The following CACNB2 variants were observed in gnomAD, a reference collection of about 807,000 sequenced individuals.
CACNB2 encodes the protein voltage-dependent L-type calcium channel subunit beta-2.
CACNB2 carries 42 observed loss-of-function variants against 73.3 expected under a neutral mutation model. That is an observed-to-expected ratio of 0.57 (90% CI 0.45 to 0.74). CACNB2 has a LOEUF of 0.74. Among genes scored for constraint, CACNB2 ranks in the 30% least tolerant of loss-of-function variants. The pLI is 0.00. For missense variants in CACNB2, 940 were observed against 853.0 expected (o/e 1.10, Z -1.27); for synonymous variants, 348 against 310.3 (o/e 1.12, Z -1.28).
chr10:18,325,718 C>CCT (rs2040565136), intron 2 of CACNB2, among the ~76,000 whole-genome samples: 1 of 121,532 alleles, frequency 8.2e-6, no homozygotes, highest in African/African-American at 3.1e-5. Flanking sequence ...TTCCTTCCTT[C>CCT]TCTCTCTTTC....
intron 2 of CACNB2, among the ~76,000 whole-genome samples, chr10:18,339,832 A>G (rs2041160937): frequency 6.6e-6 from 1 of 152,228 alleles, no homozygotes; most frequent in Non-Finnish European, 1.5e-5. Context: ...TTAAAAATGT[A>G]AAACACATTC....
intron 2 of CACNB2, among the ~76,000 whole-genome samples, chr10:18,313,547 C>A (rs1291957251): frequency 6.6e-6 from 1 of 152,070 alleles, no homozygotes; most frequent in African/African-American, 2.4e-5. Context: ...ATCTTTGGAG[C>A]TTTCTATCTT....
At chr10:18,464,418 T>TAAAATAAAAAAAAA (rs1554824204) in intron 3 of CACNB2, among the ~76,000 whole-genome samples, 17 of 85,296 alleles carry the variant, frequency 2.0e-4, no homozygotes, top group East Asian at 1.2e-3. Flanking sequence ...TCTCAAAAAT[T>TAAAATAAAAAAAAA]AAAAAAAAAA....
chr10:18,335,601 A>G (rs1564446097), intron 2 of CACNB2, among the ~76,000 whole-genome samples: 2 of 152,086 alleles, frequency 1.3e-5, no homozygotes, highest in South Asian at 2.1e-4. Flanking sequence ...ATATATACAT[A>G]TTAAGTCCAT....
At chr10:18,274,545 A>G (rs1162384044) in intron 2 of CACNB2, among the ~76,000 whole-genome samples, 3 of 152,158 alleles carry the variant, frequency 2.0e-5, no homozygotes, top group Non-Finnish European at 4.4e-5. Context: ...GAGGGTCAGA[A>G]CTTCTCTATG....
chr10:18,211,087 A>G (rs918953506), intron 2 of CACNB2, among the ~76,000 whole-genome samples: 1 of 152,158 alleles, frequency 6.6e-6, no homozygotes, highest in Non-Finnish European at 1.5e-5. Context: ...CTCCATGACT[A>G]TTAGCTATTA....
At chr10:18,483,280 C>T (rs1300777703) in intron 3 of CACNB2, among the ~76,000 whole-genome samples, 1 of 151,494 alleles carries the variant, frequency 6.6e-6, no homozygotes, top group Non-Finnish European at 1.5e-5. Flanking sequence ...CCTGTAATCC[C>T]AGCACTTTGG....
chr10:18,158,902 T>G (rs2032249819), intron 2 of CACNB2, among the ~76,000 whole-genome samples: 1 of 152,164 alleles, frequency 6.6e-6, no homozygotes, highest in South Asian at 2.1e-4. Context: ...GAAAAATATG[T>G]ACATCTGCAA....
intron 2 of CACNB2, among the ~76,000 whole-genome samples, chr10:18,294,854 A>G (rs1827258399): frequency 6.6e-6 from 1 of 152,170 alleles, no homozygotes; most frequent in Non-Finnish European, 1.5e-5. Flanking sequence ...GGATTCCAAG[A>G]CAGTCCTCAA....
chr10:18,446,888 G>T (rs191436552), intron 3 of CACNB2, among the ~76,000 whole-genome samples: 13 of 152,166 alleles, frequency 8.5e-5, no homozygotes, highest in African/African-American at 1.4e-4. Flanking sequence ...AATACAGTGA[G>T]ACCCTGTCTC....
chr10:18,243,367 AG>A (rs1407384963), intron 2 of CACNB2, among the ~76,000 whole-genome samples: 1 of 152,154 alleles, frequency 6.6e-6, no homozygotes, highest in Non-Finnish European at 1.5e-5. Flanking sequence ...TTTGTGTTTA[AG>A]GGTAGGGTCA....
intron 2 of CACNB2, among the ~76,000 whole-genome samples, chr10:18,377,796 C>T (rs993798180): frequency 1.1e-4 from 16 of 152,140 alleles, no homozygotes; most frequent in East Asian, 3.8e-4. Flanking sequence ...ATTGGGAATG[C>T]GCTACAGATG....
chr10:18,494,376 T>C (rs1159820075), intron 3 of CACNB2, among the ~76,000 whole-genome samples: 1 of 152,098 alleles, frequency 6.6e-6, no homozygotes, highest in Non-Finnish European at 1.5e-5. Context: ...ACGCCTGTAA[T>C]CCCAGCACTT....
chr10:18,225,551 C>A (rs1414938517), intron 2 of CACNB2, among the ~76,000 whole-genome samples: 1 of 144,520 alleles, frequency 6.9e-6, no homozygotes, highest in Non-Finnish European at 1.5e-5. Context: ...TCTTTTCTTT[C>A]TTTTCCCTCC....
At chr10:18,396,723 G>A (rs543675181) in intron 2 of CACNB2, among the ~76,000 whole-genome samples, 54 of 152,126 alleles carry the variant, frequency 3.5e-4, no homozygotes, top group Non-Finnish European at 4.6e-4. Context: ...CACCCACCTC[G>A]GCTTCCCAAA....
At chr10:18,281,824 C>G (rs2038560436) in intron 2 of CACNB2, among the ~76,000 whole-genome samples, 1 of 151,576 alleles carries the variant, frequency 6.6e-6, no homozygotes. Context: ...ACTAAAAATA[C>G]AAAAAATTAG....
At chr10:18,198,420 C>T (rs1486852001) in intron 2 of CACNB2, among the ~76,000 whole-genome samples, 1 of 152,108 alleles carries the variant, frequency 6.6e-6, no homozygotes, top group Non-Finnish European at 1.5e-5. Flanking sequence ...CATCAATCTT[C>T]ACCACGCTGC....
intron 2 of CACNB2, among the ~76,000 whole-genome samples, chr10:18,176,621 G>A (rs2033605486): frequency 6.6e-6 from 1 of 150,458 alleles, no homozygotes; most frequent in Non-Finnish European, 1.5e-5. Flanking sequence ...GAAAGTGATT[G>A]GAAGGTAAGT....
rs951481506 is a variant in CACNB2, at chr10:18,252,889, G to A, written c.213+101914G>A. ...TAGGCAGGTAGGCAGATGATGGCTC[G>A]GGTGGAAAAGTGCCTGTTGTATGAC... On this transcript the variant is annotated intron_variant, in intron 2 of 13. Coordinates refer to ENST00000324631, the MANE Select transcript of CACNB2 (RefSeq NM_201596.3). Among the ~76,000 whole-genome samples, 8 of 152,300 alleles carry A rather than the reference G, an allele frequency of 5.3e-5. No homozygotes were observed. The East Asian group carries it at 9.6e-4, about 18-fold the overall frequency.
Sources: gnomAD v4.1 joint callset for allele counts (sites outside exome capture counted in the v4.1 genomes callset) on GRCh38, gnomAD v4.1.1 for gene constraint, MANE v1.5 for transcripts, NCBI Gene and HGNC (gene_info 2026-07-23, HGNC 2026-07-21) for gene names.